GBP2: variants seen among roughly 807,000 people sequenced by gnomAD.
GBP2 encodes the protein guanylate-binding protein 2.
In GBP2, 54 loss-of-function variants were observed where a neutral mutation model predicts 60.8. The observed-to-expected ratio is 0.89, with a 90% CI of 0.71 to 1.11. The LOEUF (loss-of-function observed/expected upper bound fraction) is 1.11, where lower values mean the gene tolerates loss of function less well. GBP2 is among the 50% of genes most tolerant of loss of function. The pLI, the probability that GBP2 is intolerant of heterozygous loss-of-function variation, is 0.00. For synonymous variants in GBP2, 243 were observed against 256.5 expected (o/e 0.95, Z 0.50); for missense variants, 665 against 703.3 (o/e 0.95, Z 0.62).
chr1:89,108,214 C>G lies in GBP2; in HGVS notation c.1737G>C (p.Met579Ile), dbSNP rs763221922. 1 of 1,613,208 alleles carries G rather than the reference C, an allele frequency of 6.2e-7. No individual in the cohort carries two copies. The highest frequency in any genetic ancestry group is 2.2e-5 in the East Asian group (1 of 44,844). Reference protein sequence around the residue: ...RLQKDIWDIQMRSKSLEPICN... With the variant: ...RLQKDIWDIQIRSKSLEPICN... ...ATATTGGCTCCAATGATTTGCTTCT[C>G]ATCTGGATATCCCATATGTCTTTTT... is the stretch of plus-strand genomic sequence containing the variant. The change falls in exon 11 of 11, where the codon ATG becomes ATC. Residue 579 changes from methionine (M) to isoleucine (I), a missense_variant. Physicochemically the swap from Met to Ile is conservative, Grantham distance 10. Transcript: ENST00000370466.
chr1:89,117,914 C>T (rs1047382834), intron 4 of GBP2, 141 bp from the exon 5 acceptor site: 10 of 712,410 alleles, frequency 1.4e-5, no homozygotes, highest in Middle Eastern at 4.0e-4. Flanking sequence ...AATTCATTCA[C>T]TCACAAACAT....
At position 89,121,757 on chromosome 1, in the gene GBP2, G is replaced by T. The variant is rs959216896; in HGVS notation, c.190+20C>A. 2 of 1,611,724 alleles carry T rather than the reference G, an allele frequency of 1.2e-6. No individual in the cohort carries two copies. The highest frequency in any genetic ancestry group is 2.2e-5 in the South Asian group (2 of 90,838). ...TGTGTACGGACAGAAGGGGCTTAGA[G>T]CTTTGCTGGTGTCACTCACCGTTTT... On this transcript the variant is annotated intron_variant, in intron 2 of 10. Coordinates refer to ENST00000370466, the MANE Select transcript of GBP2 (RefSeq NM_004120.5).
chr1:89,121,331 G>A, intron 2 of GBP2, 61 bp from the exon 3 acceptor site: 2 of 1,401,988 alleles, frequency 1.4e-6, no homozygotes, highest in African/African-American at 1.5e-5. Flanking sequence ...TGGAAATTGA[G>A]ATAAAAGTTA....
At position 89,121,929 on chromosome 1, in the gene GBP2, A is replaced by G; in HGVS notation, c.38T>C (p.Leu13Pro). 1 of 1,613,844 alleles carries G rather than the reference A, an allele frequency of 6.2e-7. No homozygotes were observed. Among genetic ancestry groups the G allele is most frequent in the Non-Finnish European group, 8.5e-7 (1 of 1,179,854 alleles). ...PEINLPGPMS[L>P]IDNTKGQLVV... ...CAGCTGCCCTTTAGTGTTATCAATG[A>G]GGCTCATTGGGCCCGGCAAGTTGAT... The change falls in exon 2 of 11, where the codon CTC becomes CCC. Residue 13 changes from leucine (L) to proline (P), a missense_variant. Physicochemically the swap from Leu to Pro is moderately conservative, Grantham distance 98. Coordinates refer to ENST00000370466, the MANE Select transcript of GBP2 (RefSeq NM_004120.5).
At chr1:89,114,336 G>C (rs1681226226) in intron 6 of GBP2, 40 bp from the exon 7 acceptor site, 7 of 1,601,334 alleles carry the variant, frequency 4.4e-6, no homozygotes, top group Non-Finnish European at 6.0e-6. Flanking sequence ...ACTATCAGTT[G>C]GTGGGACAGA....
At chr1:89,124,328 A>G (rs1681470859) in intron 1 of GBP2, among the ~76,000 whole-genome samples, 2 of 152,238 alleles carry the variant, frequency 1.3e-5, no homozygotes, top group South Asian at 4.1e-4. Context: ...CCTCTCCAGA[A>G]GGATGTATCA....
Position 89,107,631 on chromosome 1 carries a change from C to A in GBP2, c.*544G>T, listed in dbSNP as rs986375885. On this transcript the variant is annotated 3_prime_UTR_variant, in exon 11 of 11. Coordinates refer to ENST00000370466, the MANE Select transcript of GBP2 (RefSeq NM_004120.5). ...ACTTTAAAAGCCTAGTTAAGTGTCCCAGATCTCCTTTATTTGCAGCCAGCA... is the reference window on the plus strand; with the variant it reads ...ACTTTAAAAGCCTAGTTAAGTGTCCAAGATCTCCTTTATTTGCAGCCAGCA... 1.3e-5 allele frequency among the ~76,000 whole-genome samples: 2 copies of A among 152,158 alleles called. 1 individual carries two copies. The highest frequency in any genetic ancestry group is 2.9e-5 in the Non-Finnish European group (2 of 68,040).
chr1:89,109,931 C>T, intron 9 of GBP2, 61 bp from the exon 10 acceptor site: 1 of 1,456,482 alleles, frequency 6.9e-7, no homozygotes, highest in Non-Finnish European at 9.3e-7. Context: ...TTCCCTTTTC[C>T]TTTCCCTCGT....
chr1:89,113,628 A>C (rs1681208295), intron 7 of GBP2, among the ~76,000 whole-genome samples: 1 of 152,156 alleles, frequency 6.6e-6, no homozygotes, highest in Non-Finnish European at 1.5e-5. Flanking sequence ...TGAATATTTT[A>C]CCATTGGCTC....
rs1557442233 is a variant in GBP2 at position 89,120,166 on chromosome 1, C to CA, written c.428+12dup. 2.5e-6 allele frequency: 4 copies of CA among 1,598,564 alleles called. No homozygotes were observed. Among genetic ancestry groups the CA allele is most frequent in the Non-Finnish European group, 3.4e-6 (4 of 1,166,016 alleles). On this transcript the variant is annotated intron_variant, in intron 4 of 10. Coordinates refer to ENST00000370466, the MANE Select transcript of GBP2 (RefSeq NM_004120.5). ...CTAGGTTTACTGCTGTTCTGGACCA[C>CA]AAAAAAGGATACTGAAGTTGGTCCA...
At chr1:89,119,040 G>C (rs1467237925) in intron 4 of GBP2, 3 of 152,172 alleles carry the variant, frequency 2.0e-5, no homozygotes, top group Non-Finnish European at 4.4e-5. Context: ...TGAAAGCCTT[G>C]AAGCTGGATG....
Position 89,108,024 on chromosome 1 carries a change from T to C in GBP2, c.*151A>G. 3.3e-6 allele frequency: 2 copies of C among 614,774 alleles called. No homozygotes were observed. Among genetic ancestry groups the C allele is most frequent in the Admixed American group, 2.7e-5 (1 of 37,512 alleles). The allele number at this position is 614,774 out of a possible 1,614,324, so 38.1% of individuals were successfully genotyped here. A position where few individuals can be genotyped will look rare whatever the true frequency, so the allele number is the denominator to read the frequency against. On this transcript the variant is annotated 3_prime_UTR_variant, in exon 11 of 11. Transcript: ENST00000370466. ...TAAAACATTGACCTCATACTTAACCTTTACTTTGCAAACTTTATGGTTCAA... is the reference window on the plus strand; with the variant it reads ...TAAAACATTGACCTCATACTTAACCCTTACTTTGCAAACTTTATGGTTCAA...
intron 4 of GBP2, 88 bp downstream of exon 4, chr1:89,120,091 T>C (rs1681368924): frequency 1.1e-6 from 1 of 877,880 alleles, no homozygotes; most frequent in East Asian, 2.4e-5. Flanking sequence ...AATTCTTCAG[T>C]ACCTGTCTGT....
At chr1:89,112,926 T>C (rs1681193163) in intron 7 of GBP2, 2 of 544,808 alleles carry the variant, frequency 3.7e-6, no homozygotes, top group Admixed American at 3.2e-5. Context: ...CAGAGAATGA[T>C]TCTCAAAGCA....
intron 7 of GBP2, among the ~76,000 whole-genome samples, 163 bp downstream of exon 7, chr1:89,113,853 T>C (rs1239059483): frequency 1.3e-5 from 2 of 152,196 alleles, no homozygotes; most frequent in African/African-American, 2.4e-5. Context: ...AAATTAGGTG[T>C]CTTTTTTTAA....
intron 7 of GBP2, chr1:89,113,126 A>T: frequency 5.7e-6 from 1 of 174,512 alleles, no homozygotes; most frequent in Non-Finnish European, 1.2e-5. Flanking sequence ...CCTATCTCAC[A>T]GATTTCTCTG....
chr1:89,121,088 T>C, intron 3 of GBP2, 55 bp downstream of exon 3: 1 of 1,454,448 alleles, frequency 6.9e-7, no homozygotes, highest in Non-Finnish European at 9.6e-7. Context: ...CTGACCTGGT[T>C]TATGTAGATT....
At chr1:89,113,648 A>C (rs1681209059) in intron 7 of GBP2, among the ~76,000 whole-genome samples, 1 of 152,202 alleles carries the variant, frequency 6.6e-6, no homozygotes. Flanking sequence ...CACATTTAAA[A>C]AAATTATTAG....
chr1:89,109,379 A>G lies in GBP2; in HGVS notation c.1659+298T>C, dbSNP rs541568378. ...TTATAATTACTTCATTTAGCAAATG[A>G]GAAACTAATAGTTCCTCTACCATTA... On this transcript the variant is annotated intron_variant, in intron 10 of 10. Transcript: ENST00000370466. 1.3e-4 allele frequency among the ~76,000 whole-genome samples: 20 copies of G among 152,346 alleles called. No individual in the cohort carries two copies. In the South Asian group the frequency reaches 3.9e-3, roughly 30 times the overall value.
Sources: allele counts gnomAD v4.1 joint callset (sites outside exome capture counted in the v4.1 genomes callset), GRCh38; gene constraint gnomAD v4.1.1; transcripts MANE v1.5; gene names NCBI Gene and HGNC (gene_info 2026-07-23, HGNC 2026-07-21).